The following GRM3 variants were observed in gnomAD, a reference collection of about 807,000 sequenced individuals.
GRM3 encodes glutamate metabotropic receptor 3.
A neutral mutation model predicts 70.5 loss-of-function variants in GRM3; 26 were observed. The observed-to-expected ratio is 0.37, with a 90% CI of 0.27 to 0.51. GRM3 has a LOEUF of 0.51. Among genes scored for constraint, GRM3 ranks in the 20% least tolerant of loss-of-function variants. GRM3 has a pLI of 0.93. For synonymous variants in GRM3, 443 were observed against 434.9 expected, an observed-to-expected ratio of 1.02 and a Z score of -0.23; for missense variants, 859 against 1,123.8, an observed-to-expected ratio of 0.76 and a Z score of 3.37.
chr7:86,856,258 G>A (rs537430657), intron 5 of GRM3, among the ~76,000 whole-genome samples: 92 of 152,152 alleles, frequency 6.0e-4, no homozygotes, highest in African/African-American at 2.0e-3. Context: ...AGTGTGGCCA[G>A]TATGGCGAAA....
In GRM3 at chr7:86,819,743, CCTT is replaced by C. The variant is rs1798082799; in HGVS notation, c.1325-19093_1325-19091del. On this transcript the variant is annotated intron_variant, in intron 3 of 5. Coordinates refer to ENST00000361669, the MANE Select transcript of GRM3 (RefSeq NM_000840.3). ...TGAATGCCAGAATCACAAACCATCT[CCTT>C]CTCCTTCAAAACTTGTCCTTCCCTA... Among the ~76,000 whole-genome samples the C allele has an allele frequency of 2.0e-5, 3 of 152,266 alleles. No homozygotes were observed. In the South Asian group the frequency reaches 6.2e-4, roughly 32 times the overall value.
intron 2 of GRM3, among the ~76,000 whole-genome samples, chr7:86,767,479 C>T (rs960602635): frequency 2.1e-4 from 28 of 132,346 alleles, no homozygotes; most frequent in African/African-American, 7.1e-4. Context: ...ATGAAAAATG[C>T]TATTTTATTT....
intron 2 of GRM3, among the ~76,000 whole-genome samples, chr7:86,784,022 G>C (rs908531658): frequency 2.6e-5 from 4 of 152,184 alleles, no homozygotes; most frequent in African/African-American, 9.7e-5. Flanking sequence ...AATAGTTGCT[G>C]TTTTATTCTA....
intron 1 of GRM3, among the ~76,000 whole-genome samples, chr7:86,693,572 C>T (rs901656926): frequency 3.3e-5 from 5 of 152,100 alleles, no homozygotes; most frequent in Admixed American, 1.3e-4. Context: ...ATGGCCAAAT[C>T]GTAGGAAAAT....
chr7:86,650,373 AATTT>A (rs1005890156), intron 1 of GRM3, among the ~76,000 whole-genome samples: 2 of 151,986 alleles, frequency 1.3e-5, no homozygotes, highest in Non-Finnish European at 2.9e-5. Context: ...TATTTTAATT[AATTT>A]ATTTATTTTA....
At chr7:86,762,113 G>A (rs1295113724) in intron 1 of GRM3, among the ~76,000 whole-genome samples, 4 of 152,146 alleles carry the variant, frequency 2.6e-5, no homozygotes, top group Non-Finnish European at 4.4e-5. Context: ...AATGATCGCA[G>A]TGTCTTTTGC....
intron 1 of GRM3, among the ~76,000 whole-genome samples, chr7:86,672,240 T>C (rs1794189468): frequency 6.6e-6 from 1 of 152,192 alleles, no homozygotes; most frequent in Non-Finnish European, 1.5e-5. Flanking sequence ...TTAGGAAGCC[T>C]GTAGTGGAGA....
intron 1 of GRM3, among the ~76,000 whole-genome samples, chr7:86,708,235 G>A (rs898689231): frequency 6.6e-6 from 1 of 152,122 alleles, no homozygotes; most frequent in Non-Finnish European, 1.5e-5. Flanking sequence ...GACACTTGAA[G>A]ATCTATGGGA....
intron 2 of GRM3, among the ~76,000 whole-genome samples, chr7:86,775,517 A>G (rs1356167431): frequency 6.6e-6 from 1 of 151,998 alleles, no homozygotes; most frequent in Non-Finnish European, 1.5e-5. Flanking sequence ...TTCAAGTTGG[A>G]TATCACCAAC....
chr7:86,858,959 G>GTATT (rs766573449), intron 5 of GRM3, among the ~76,000 whole-genome samples: 12 of 152,096 alleles, frequency 7.9e-5, no homozygotes, highest in Non-Finnish European at 1.8e-4. Context: ...TTCAGTCTAT[G>GTATT]TATTTTTTCT....
intron 1 of GRM3, among the ~76,000 whole-genome samples, chr7:86,700,919 G>T (rs368400050): frequency 2.0e-5 from 3 of 151,822 alleles, no homozygotes; most frequent in Non-Finnish European, 4.4e-5. Flanking sequence ...AATTAGAAAC[G>T]TATCATTTCA....
At chr7:86,788,584 A>G (rs1353949014) in intron 3 of GRM3, among the ~76,000 whole-genome samples, 9 of 152,226 alleles carry the variant, frequency 5.9e-5, no homozygotes, top group Admixed American at 5.2e-4. Flanking sequence ...TAAATAAATA[A>G]AAAGAGTAAT....
At chr7:86,773,800 T>C (rs1418136820) in intron 2 of GRM3, among the ~76,000 whole-genome samples, 4 of 152,132 alleles carry the variant, frequency 2.6e-5, no homozygotes, top group African/African-American at 7.2e-5. Context: ...GAAGTAATTA[T>C]CTGATATGCT....
At chr7:86,744,632 G>A (rs1189006182) in intron 1 of GRM3, among the ~76,000 whole-genome samples, 3 of 151,966 alleles carry the variant, frequency 2.0e-5, no homozygotes, top group East Asian at 1.9e-4. Flanking sequence ...GTGTGGGTGA[G>A]CACCACCATC....
chr7:86,737,165 A>G (rs765387353), intron 1 of GRM3, among the ~76,000 whole-genome samples: 1 of 152,224 alleles, frequency 6.6e-6, no homozygotes, highest in Admixed American at 6.5e-5. Flanking sequence ...GGGGATGGAC[A>G]TAGGAGATAA....
At chr7:86,826,933 C>T (rs184173164) in intron 3 of GRM3, among the ~76,000 whole-genome samples, 1 of 152,264 alleles carries the variant, frequency 6.6e-6, no homozygotes, top group East Asian at 1.9e-4. Context: ...TATTATGACT[C>T]AGGCATTAGC....
At chr7:86,720,520 A>G (rs1404001705) in intron 1 of GRM3, among the ~76,000 whole-genome samples, 1 of 152,236 alleles carries the variant, frequency 6.6e-6, no homozygotes, top group East Asian at 1.9e-4. Flanking sequence ...CTGATATAGA[A>G]TACCAGGAAA....
At chr7:86,666,466 C>G (rs935724004) in intron 1 of GRM3, among the ~76,000 whole-genome samples, 14 of 151,988 alleles carry the variant, frequency 9.2e-5, no homozygotes, top group Admixed American at 9.2e-4. Context: ...GGTATTTTAT[C>G]AACTAAAAGC....
At chr7:86,674,589 A>G (rs998053704) in intron 1 of GRM3, among the ~76,000 whole-genome samples, 3 of 152,152 alleles carry the variant, frequency 2.0e-5, no homozygotes, top group Non-Finnish European at 4.4e-5. Context: ...AATCTGTTAA[A>G]GCTATAAATC....
Sources: gnomAD v4.1 joint callset for allele counts (sites outside exome capture counted in the v4.1 genomes callset) on GRCh38, gnomAD v4.1.1 for gene constraint, MANE v1.5 for transcripts, NCBI Gene and HGNC (gene_info 2026-07-23, HGNC 2026-07-21) for gene names.